Variants in DVL2 observed in about 807,000 individuals in gnomAD.
DVL2 encodes the protein dishevelled segment polarity protein 2, also known as segment polarity protein dishevelled homolog DVL-2.
DVL2 carries 38 observed loss-of-function variants against 69.8 expected under a neutral mutation model. That is an observed-to-expected ratio of 0.54 (90% confidence interval 0.42 to 0.71). The LOEUF is 0.71. DVL2 is among the 30% of genes least tolerant of loss of function. The pLI, the probability that DVL2 is intolerant of heterozygous loss-of-function variation, is 0.00. For missense variants in DVL2, 931 were observed against 1,008.1 expected, an observed-to-expected ratio of 0.92 and a Z score of 1.04; for synonymous variants, 428 against 392.4, an observed-to-expected ratio of 1.09 and a Z score of -1.07.
At chr17:7,233,312 G>A (rs1345555489) in intron 1 of DVL2, among the ~76,000 whole-genome samples, 2 of 151,848 alleles carry the variant, frequency 1.3e-5, no homozygotes, top group South Asian at 2.1e-4. Flanking sequence ...TCCCAATACG[G>A]CTGCCTGTGC....
chr17:7,226,026 T>G lies in DVL2; in HGVS notation c.2050A>C (p.Met684Leu), dbSNP rs748841149. 3.1e-6 allele frequency: 5 copies of G among 1,612,364 alleles called. No homozygotes were observed. Among genetic ancestry groups the G allele is most frequent in the Non-Finnish European group, 3.4e-6 (4 of 1,179,326 alleles). The change falls in exon 15 of 15, where the codon ATG becomes CTG. Residue 684 changes from methionine (M) to leucine (L), a missense_variant. By Grantham distance (15) the Met-to-Leu change is conservative (BLOSUM62 2). This residue lies in a region of DVL2 where 314 missense variants were observed against 313.7 expected (regional missense o/e 1.00). Coordinates refer to ENST00000005340, the MANE Select transcript of DVL2 (RefSeq NM_004422.3). ...ALPYNPMMVV[M>L]MPPPPPPVPP... ...ACTGGAGGTGGAGGTGGGGGCATCA[T>G]GACCACCATCATGGGGTTGTAGGGG...
intron 1 of DVL2, among the ~76,000 whole-genome samples, chr17:7,231,378 G>A (rs530796032): frequency 1.2e-4 from 18 of 149,330 alleles, no homozygotes; most frequent in African/African-American, 4.5e-4. Context: ...TGGGAGAGTC[G>A]CTTGAACCCG....
At chr17:7,233,895 A>T (rs1432025975) in intron 1 of DVL2, 174 bp downstream of exon 1, 1 of 715,770 alleles carries the variant, frequency 1.4e-6, no homozygotes, top group Non-Finnish European at 2.4e-6. Context: ...GCCTCAATCT[A>T]TCCAAGCATA....
At chr17:7,228,291 T>G in intron 9 of DVL2, 2 of 355,324 alleles carry the variant, frequency 5.6e-6, no homozygotes, top group Non-Finnish European at 1.0e-5. Flanking sequence ...TCACAGAAAG[T>G]CCAAAAACAG....
rs1341396649 is a variant in DVL2, at chr17:7,225,746, A to G, written c.*119T>C. The stretch of plus-strand genomic sequence containing the variant: ...GCTGGTGAGAGTCACAGTGGCCACA[A>G]TCTCCTGTATGGCAGCAGCTGGTAG... On this transcript the variant is annotated 3_prime_UTR_variant, in exon 15 of 15. Transcript: ENST00000005340. 1.0e-5 allele frequency: 9 copies of G among 884,802 alleles called. No individual in the cohort carries two copies. Among genetic ancestry groups the G allele is most frequent in the Admixed American group, 7.4e-5 (4 of 53,704 alleles). 54.8% of individuals were successfully genotyped at this position (884,802 alleles called of 1,614,324 possible).
intron 9 of DVL2, 152 bp downstream of exon 9, chr17:7,228,817 G>C: frequency 1.4e-6 from 1 of 691,034 alleles, no homozygotes; most frequent in Non-Finnish European, 2.5e-6. Context: ...CCTCACCTCA[G>C]GTGATCCACC....
At chr17:7,233,087 C>CAAAAAAA (rs59984818) in intron 1 of DVL2, among the ~76,000 whole-genome samples, 406 of 36,262 alleles carry the variant, frequency 0.011, 48 homozygotes, top group African/African-American at 0.03. Flanking sequence ...GAGACTGTCT[C>CAAAAAAA]AAAAAAAAAA....
Position 7,227,641 on chromosome 17 carries a change from G to C in DVL2, c.1231+14C>G, listed in dbSNP as rs1391777032. On this transcript the variant is annotated intron_variant, in intron 11 of 14. Transcript: ENST00000005340. ...TCTGCTGGGAGGGTGGGATGAGGTG[G>C]GCTGGCGGCTCACCATCAGGCAAAG... 4.3e-6 allele frequency: 7 copies of C among 1,614,074 alleles called. No homozygotes were observed. Among genetic ancestry groups the C allele is most frequent in the South Asian group, 1.1e-5 (1 of 91,090 alleles).
Position 7,230,794 on chromosome 17 carries a change from C to T in DVL2, c.198G>A (p.Val66=), listed in dbSNP as rs748639761. 4.3e-6 allele frequency: 7 copies of T among 1,612,928 alleles called. No homozygotes were observed. In the African/African-American group the frequency reaches 6.7e-5, roughly 15 times the overall value. The change falls in exon 2 of 15, where the codon GTG becomes GTA. Residue 66 remains valine (V), a synonymous_variant. Transcript: ENST00000005340. ...FFKSMDQDFG[V]VKEEISDDNA... ...TGTCATCTGAAATTTCTTCCTTCAC[C>T]ACCCTGCCAAGCGACAAGGTAGAGG...
At chr17:7,228,764 T>C (rs2071496509) in intron 9 of DVL2, 1 of 561,610 alleles carries the variant, frequency 1.8e-6, no homozygotes. Flanking sequence ...CTATTTTTAG[T>C]AGAGACACGG....
Position 7,234,172 on chromosome 17 carries a change from T to C in DVL2, c.91A>G (p.Ile31Val). 3 of 1,614,052 alleles carry C rather than the reference T, an allele frequency of 1.9e-6. No individual in the cohort carries two copies. The highest frequency in any genetic ancestry group is 2.2e-5 in the South Asian group (2 of 91,088). ...DEEETPYLVK[I>V]PVPAERITLG... is the part of the protein sequence containing the mutation. Reference sequence around the variant, plus strand: ...GTGATGCGCTCGGCGGGGACAGGGATCTTCACCAGGTAGGGAGTCTCTTCC... The same window carrying C: ...GTGATGCGCTCGGCGGGGACAGGGACCTTCACCAGGTAGGGAGTCTCTTCC... Residue 31 changes from isoleucine to valine, a missense_variant, in exon 1 of 15, where the codon ATC (isoleucine) becomes GTC (valine). By Grantham distance (29) the Ile-to-Val change is conservative. Around this residue, in one of 3 missense-constraint regions of DVL2, gnomAD observed 555 missense variants for 588.8 expected, o/e 0.94. Transcript: ENST00000005340.
chr17:7,232,722 T>C (rs2071561225), intron 1 of DVL2, among the ~76,000 whole-genome samples: 1 of 152,214 alleles, frequency 6.6e-6, no homozygotes. Context: ...AAACAATCTT[T>C]CTAGCTAGAG....
chr17:7,230,779 A>T lies in DVL2; in HGVS notation c.213T>A (p.Ile71=), dbSNP rs150823721. 7.0e-5 allele frequency: 113 copies of T among 1,613,100 alleles called. No homozygotes were observed. In the African/African-American group the frequency reaches 1.3e-3, roughly 18 times the overall value. ...DQDFGVVKEE[I]SDDNARLPCF... ...AGGGGAGGCGGGCGTTGTCATCTGA[A>T]ATTTCTTCCTTCACCACCCTGCCAA... The change falls in exon 2 of 15, where the codon ATT becomes ATA. Residue 71 remains isoleucine, a synonymous_variant. Transcript: ENST00000005340.
rs557081344 is a variant in DVL2 at position 7,230,286 on chromosome 17, G to A, written c.409C>T (p.His137Tyr). 6.8e-6 allele frequency: 11 copies of A among 1,614,126 alleles called. No individual in the cohort carries two copies. The highest frequency in any genetic ancestry group is 3.3e-4 in the Middle Eastern group (2 of 6,062). The change falls in exon 3 of 15, where the codon CAC (histidine) becomes TAC (tyrosine). Residue 137 changes from histidine (H) to tyrosine (Y), a missense_variant and splice_region_variant. His to Tyr is a moderately conservative substitution (Grantham distance 83, BLOSUM62 2). Transcript: ENST00000005340. ...CAGTCAAGAATCTGAAGGACTCACT[G>A]GAAGGATGGAGGCCTTGAGTCCCCA... ...GIGDSRPPSFHPNVSSSHENL... is the reference protein window; with the variant it reads ...GIGDSRPPSFYPNVSSSHENL...
chr17:7,226,125 A>C lies in DVL2; in HGVS notation c.1951T>G (p.Ser651Ala), dbSNP rs775126495. 3 of 1,601,038 alleles carry C rather than the reference A, an allele frequency of 1.9e-6. No individual in the cohort carries two copies. The South Asian group carries it at 3.3e-5, about 18-fold the overall frequency. ...SDGGPPPSRG[S>A]TGGAPNLRAH... ...CGGAGATTAGGGGCACCCCCAGTTGAGCCTCTGGATGGAGGAGGGCCCCCA... is the reference window on the plus strand; with the variant it reads ...CGGAGATTAGGGGCACCCCCAGTTGCGCCTCTGGATGGAGGAGGGCCCCCA... The change falls in exon 15 of 15, where the codon TCA (serine) becomes GCA (alanine). Residue 651 changes from serine to alanine, a missense_variant. Transcript: ENST00000005340.
chr17:7,225,893 G>C lies in DVL2; in HGVS notation c.2183C>G (p.Pro728Arg). The change falls in exon 15 of 15, where the codon CCC (proline) becomes CGC (arginine). Residue 728 changes from proline (P) to arginine (R), a missense_variant. By Grantham distance (103) the Pro-to-Arg change is moderately radical. This residue lies in a region of DVL2 where 314 missense variants were observed against 313.7 expected (regional missense o/e 1.00). Transcript: ENST00000005340. ...CATAACATCCACAAAGAACTCGCTGGGATTGCCCATGGCCATGTGGAAGCT... is the reference window on the plus strand; with the variant it reads ...CATAACATCCACAAAGAACTCGCTGCGATTGCCCATGGCCATGTGGAAGCT... ...RQSFHMAMGN[P>R]SEFFVDVM 6.2e-7 allele frequency: 1 copy of C among 1,613,922 alleles called. No individual in the cohort carries two copies. The highest frequency in any genetic ancestry group is 8.5e-7 in the Non-Finnish European group (1 of 1,180,036).
intron 13 of DVL2, 70 bp from the exon 14 acceptor site, chr17:7,226,709 G>A (rs963072186): frequency 2.5e-5 from 30 of 1,215,932 alleles, no homozygotes; most frequent in South Asian, 3.3e-5. Flanking sequence ...ACCGAATGGA[G>A]AGGAACTGGG....
In DVL2 at chr17:7,226,224, T is replaced by C. The variant is rs769910353; in HGVS notation, c.1852A>G (p.Ser618Gly). ...CTGGAGGGCTCAGACTCACTGCCAC[T>C]GCCGGACTTGGACTCGGGGGCCCGC... ...EERAPESKSG[S>G]GSESEPSSRG... The change falls in exon 15 of 15, where the codon AGT (serine) becomes GGT (glycine). Residue 618 changes from serine to glycine, a missense_variant. This residue lies in a region of DVL2 where 314 missense variants were observed against 313.7 expected (regional missense o/e 1.00). Coordinates refer to ENST00000005340, the MANE Select transcript of DVL2 (RefSeq NM_004422.3). 1.2e-6 allele frequency: 2 copies of C among 1,612,292 alleles called. No homozygotes were observed. Among genetic ancestry groups the C allele is most frequent in the South Asian group, 2.2e-5 (2 of 91,080 alleles).
chr17:7,229,768 C>T lies in DVL2; in HGVS notation c.656+40G>A, dbSNP rs771797695. The T allele has an allele frequency of 1.3e-5, 20 of 1,592,874 alleles. No homozygotes were observed. The highest frequency in any genetic ancestry group is 2.7e-5 in the African/African-American group (2 of 74,428). Reference sequence around the variant, plus strand: ...CAAGAGGATTGACTGGAAGACGAGACGGGGCTGGGTGCGCTGGGGAGAGCT... The same window carrying T: ...CAAGAGGATTGACTGGAAGACGAGATGGGGCTGGGTGCGCTGGGGAGAGCT... On this transcript the variant is annotated intron_variant, in intron 5 of 14. Coordinates refer to ENST00000005340, the MANE Select transcript of DVL2 (RefSeq NM_004422.3). This position sits in a 1 kb window ranked among gnomAD's most constrained non-coding sequence, Gnocchi z 4.4.
Sources: allele counts gnomAD v4.1 joint callset (sites outside exome capture counted in the v4.1 genomes callset), GRCh38; gene constraint gnomAD v4.1.1; regional missense constraint gnomAD v4.1.1; non-coding constraint Gnocchi (gnomAD v3.1); transcripts MANE v1.5; gene names NCBI Gene and HGNC (gene_info 2026-07-23, HGNC 2026-07-21).